CHRM3: variants seen among roughly 807,000 people sequenced by gnomAD.
CHRM3 encodes the protein cholinergic receptor muscarinic 3, also known as muscarinic acetylcholine receptor M3.
CHRM3 carries 11 observed loss-of-function variants against 41.8 expected under a neutral mutation model. The ratio of observed to expected loss-of-function variants is 0.26; its 90% confidence interval spans 0.17 to 0.44. The LOEUF is 0.44. Among genes scored for constraint, CHRM3 ranks in the 20% least tolerant of loss-of-function variants. The pLI is 1.00. For missense variants in CHRM3, 571 were observed against 745.4 expected, an observed-to-expected ratio of 0.77 and a Z score of 2.72; for synonymous variants, 297 against 301.4, an observed-to-expected ratio of 0.99 and a Z score of 0.15.
intron 6 of CHRM3, among the ~76,000 whole-genome samples, chr1:239,865,344 A>G (rs778458852): frequency 3.3e-5 from 5 of 152,256 alleles, no homozygotes; most frequent in East Asian, 1.9e-4. Context: ...TCTGTGGGGC[A>G]TCCAGGGTAT....
At chr1:239,471,731 T>A (rs2147943621) in intron 1 of CHRM3, among the ~76,000 whole-genome samples, 1 of 152,312 alleles carries the variant, frequency 6.6e-6, no homozygotes, top group South Asian at 2.1e-4. Flanking sequence ...ATGAAGGCTC[T>A]GGGCCTAGGA....
intron 5 of CHRM3, among the ~76,000 whole-genome samples, chr1:239,702,036 T>G (rs779250380): frequency 9.9e-5 from 15 of 152,110 alleles, no homozygotes; most frequent in African/African-American, 2.4e-4. Flanking sequence ...ATGTCAAGCT[T>G]CTTCTTCTGG....
chr1:239,598,101 T>C (rs72756800), intron 3 of CHRM3, among the ~76,000 whole-genome samples: 4,581 of 152,118 alleles, frequency 0.03, 86 homozygotes, highest in Middle Eastern at 0.058. Context: ...GGGCACACAC[T>C]AGGACGCACA....
chr1:239,618,017 T>C lies in CHRM3; in HGVS notation c.-312-14207T>C, dbSNP rs569975610. Among the ~76,000 whole-genome samples, 3 of 152,264 alleles carry C rather than the reference T, an allele frequency of 2.0e-5. No homozygotes were observed. In the South Asian group the frequency reaches 6.2e-4, roughly 32 times the overall value. ...GCAGCATTCATCAGTCTTCTCTGCC[T>C]GCCGTTGTTACGTTTCCTTTTTTCT... On this transcript the variant is annotated intron_variant, in intron 3 of 6. Coordinates refer to ENST00000676153, the MANE Select transcript of CHRM3 (RefSeq NM_001375978.1).
intron 6 of CHRM3, among the ~76,000 whole-genome samples, chr1:239,836,083 C>CT (rs1271311148): frequency 6.6e-6 from 1 of 152,270 alleles, no homozygotes; most frequent in African/African-American, 2.4e-5. Context: ...AGCCAATCAC[C>CT]TGGTGTGACC....
chr1:239,575,714 C>G (rs1300578971), intron 3 of CHRM3, among the ~76,000 whole-genome samples: 1 of 151,654 alleles, frequency 6.6e-6, no homozygotes, highest in East Asian at 1.9e-4. Context: ...CAGGCCTGAA[C>G]AGGGGCTGGA....
chr1:239,899,252 A>G (rs1002377283), intron 6 of CHRM3, among the ~76,000 whole-genome samples: 3 of 149,506 alleles, frequency 2.0e-5, no homozygotes, highest in Admixed American at 6.7e-5. Flanking sequence ...TTGGCCCACT[A>G]ATTGGCTCTT....
At chr1:239,705,807 A>G (rs895398232) in intron 5 of CHRM3, 4 of 152,184 alleles carry the variant, frequency 2.6e-5, no homozygotes, top group Admixed American at 6.6e-5. Flanking sequence ...GATGTTCAAC[A>G]TAAAGAATAG....
At chr1:239,799,915 T>C (rs1670079633) in intron 5 of CHRM3, among the ~76,000 whole-genome samples, 1 of 152,232 alleles carries the variant, frequency 6.6e-6, no homozygotes, top group Admixed American at 6.5e-5. Context: ...ATCCACAGAC[T>C]CAACTGATTA....
chr1:239,908,510 C>G lies in CHRM3; in HGVS notation c.1059C>G (p.Asp353Glu), dbSNP rs139009806. Residue 353 changes from aspartate (D) to glutamate (E), a missense_variant, in exon 7 of 7, where the codon GAC (aspartate) becomes GAG (glutamate). By Grantham distance (45) the Asp-to-Glu change is conservative. This residue lies in a region of CHRM3 where 239 missense variants were observed against 239.6 expected (regional missense o/e 1.00). Coordinates refer to ENST00000676153, the MANE Select transcript of CHRM3 (RefSeq NM_001375978.1). The surrounding 1 kb of genome is among the most constrained non-coding windows in gnomAD (Gnocchi z 7.2). ...AASLENSASS[D>E]EEDIGSETRA... is the part of the protein sequence containing the mutation. ...CCCTGGAGAACTCCGCCTCCTCCGACGAGGAGGACATTGGCTCCGAGACGA... is the reference window on the plus strand; with the variant it reads ...CCCTGGAGAACTCCGCCTCCTCCGAGGAGGAGGACATTGGCTCCGAGACGA... The G allele has an allele frequency of 1.3e-6, 2 of 1,598,936 alleles. No individual in the cohort carries two copies. The highest frequency in any genetic ancestry group is 1.7e-6 in the Non-Finnish European group (2 of 1,172,542).
intron 2 of CHRM3, among the ~76,000 whole-genome samples, chr1:239,511,746 A>T (rs1248415039): frequency 6.6e-6 from 1 of 152,302 alleles, no homozygotes; most frequent in Middle Eastern, 3.4e-3. Flanking sequence ...TTATTTTCAG[A>T]TTTACTTCTT....
chr1:239,553,938 G>C (rs1381371510), intron 3 of CHRM3, among the ~76,000 whole-genome samples: 1 of 152,138 alleles, frequency 6.6e-6, no homozygotes, highest in East Asian at 1.9e-4. Flanking sequence ...GCCCAGGCTA[G>C]AGTGCAGTGG....
chr1:239,463,088 C>G (rs1665474688), intron 1 of CHRM3, among the ~76,000 whole-genome samples: 1 of 152,058 alleles, frequency 6.6e-6, no homozygotes, highest in South Asian at 2.1e-4. Context: ...ACACAGATAA[C>G]AAAGTGAGGA....
chr1:239,714,013 A>C (rs1662085984), intron 5 of CHRM3, among the ~76,000 whole-genome samples: 1 of 152,170 alleles, frequency 6.6e-6, no homozygotes, highest in South Asian at 2.1e-4. Context: ...ATGCCTAACC[A>C]GCAATGCTTA....
intron 4 of CHRM3, among the ~76,000 whole-genome samples, chr1:239,637,111 T>G (rs1670542943): frequency 6.6e-6 from 1 of 152,194 alleles, no homozygotes. Context: ...AAGATTTTAA[T>G]GAGAAGTATA....
At chr1:239,808,039 CA>C (rs1416236254) in intron 5 of CHRM3, among the ~76,000 whole-genome samples, 1 of 152,002 alleles carries the variant, frequency 6.6e-6, no homozygotes, top group African/African-American at 2.4e-5. Context: ...AAACATATTC[CA>C]AAATTCCTTG....
At chr1:239,842,339 A>G (rs1173963821) in intron 6 of CHRM3, among the ~76,000 whole-genome samples, 2 of 151,560 alleles carry the variant, frequency 1.3e-5, no homozygotes, top group African/African-American at 2.4e-5. Context: ...GGTTCAAGTG[A>G]TTCTCCTGCC....
At chr1:239,440,709 A>G (rs112223621) in intron 1 of CHRM3, among the ~76,000 whole-genome samples, 3,291 of 152,300 alleles carry the variant, frequency 0.022, 132 homozygotes, top group African/African-American at 0.072. Context: ...GACATTTATC[A>G]AATGAATTAT....
intron 6 of CHRM3, among the ~76,000 whole-genome samples, chr1:239,883,418 A>G (rs138384454): frequency 6.6e-6 from 1 of 152,290 alleles, no homozygotes; most frequent in Non-Finnish European, 1.5e-5. Flanking sequence ...TTTCTAGTGT[A>G]ATGCACTCTT....
Sources: gnomAD v4.1 joint callset for allele counts (sites outside exome capture counted in the v4.1 genomes callset) on GRCh38, gnomAD v4.1.1 for gene constraint, gnomAD v4.1.1 regional missense constraint, Gnocchi (gnomAD v3.1) non-coding constraint, MANE v1.5 for transcripts, NCBI Gene and HGNC (gene_info 2026-07-23, HGNC 2026-07-21) for gene names.